NOC3L: variants seen among roughly 807,000 people sequenced by gnomAD.
The protein encoded by NOC3L is NOC3 like DNA replication regulator.
Under a neutral mutation model 102.5 loss-of-function variants are expected in NOC3L, and 85 were observed. The observed-to-expected ratio is 0.83, with a 90% confidence interval of 0.70 to 0.99. The LOEUF is 0.99. Ranked by LOEUF, NOC3L falls within the 50% of genes least tolerant of loss-of-function variation. NOC3L has a pLI of 0.00. For missense variants in NOC3L, 878 were observed against 914.9 expected (o/e 0.96, Z 0.52); for synonymous variants, 303 against 309.4 (o/e 0.98, Z 0.22).
At chr10:94,334,753 C>T in intron 19 of NOC3L, 35 bp from the exon 20 acceptor site, 1 of 1,382,604 alleles carries the variant, frequency 7.2e-7, no homozygotes, top group East Asian at 2.3e-5. Context: ...AAAGATACCA[C>T]CACATCTGTG....
intron 13 of NOC3L, among the ~76,000 whole-genome samples, chr10:94,342,110 T>C (rs1028148449): frequency 1.1e-4 from 16 of 152,170 alleles, no homozygotes; most frequent in Admixed American, 6.5e-5. Flanking sequence ...AAGGAAAGAT[T>C]CTGCTACTTA....
At position 94,333,911 on chromosome 10, in the gene NOC3L, G is replaced by A. The variant is rs1280810579; in HGVS notation, c.*266C>T. On this transcript the variant is annotated 3_prime_UTR_variant, in exon 21 of 21. Coordinates refer to ENST00000371361, the MANE Select transcript of NOC3L (RefSeq NM_022451.11). ...ATTTTTTTAAAAAACTATAATGTACGTGAAGCTTTTAAAAGGCAGCATCAT... is the reference window on the plus strand; with the variant it reads ...ATTTTTTTAAAAAACTATAATGTACATGAAGCTTTTAAAAGGCAGCATCAT... 3.8e-5 allele frequency: 9 copies of A among 239,498 alleles called. No homozygotes were observed. The highest frequency in any genetic ancestry group is 1.7e-4 in the South Asian group (1 of 5,790). 14.8% of individuals were successfully genotyped at this position (239,498 alleles called of 1,614,324 possible). A position where few individuals can be genotyped will look rare whatever the true frequency, so the allele number is the denominator to read the frequency against.
In NOC3L at chr10:94,338,652, A is replaced by G; in HGVS notation, c.2047T>C (p.Cys683Arg). The G allele has an allele frequency of 6.2e-7, 1 of 1,612,652 alleles. No homozygotes were observed. The highest frequency in any genetic ancestry group is 1.1e-5 in the South Asian group (1 of 90,848). Residue 683 changes from cysteine (C) to arginine (R), a missense_variant, in exon 18 of 21, where the codon TGC becomes CGC. By Grantham distance (180) the Cys-to-Arg change is radical (BLOSUM62 -3). Transcript: ENST00000371361. Reference sequence around the variant, plus strand: ...CACAGAGCAGTGTTCTGAGCATTGCAGTACTCAGGCTCATCCAGTTCAGGA... The same window carrying G: ...CACAGAGCAGTGTTCTGAGCATTGCGGTACTCAGGCTCATCCAGTTCAGGA... ...FLPELDEPEY[C>R]NAQNTALWEL...
chr10:94,350,261 CT>C lies in NOC3L; in HGVS notation c.979del (p.Ser327ValfsTer3), dbSNP rs765165963. On this transcript the variant is annotated frameshift_variant, in exon 9 of 21. Coordinates refer to ENST00000371361, the MANE Select transcript of NOC3L (RefSeq NM_022451.11). LOFTEE classifies it high-confidence loss of function. ...GTATGCCTTTAAGGAAACTACATTACTTTTCTTCAGCTTCCTCTGCTTCCAA... is the reference window on the plus strand; with the variant it reads ...GTATGCCTTTAAGGAAACTACATTACTTTCTTCAGCTTCCTCTGCTTCCAA... ...KDWKQRKLKK[S>X]NVVSLKAYKG... 2.5e-6 allele frequency: 4 copies of C among 1,614,140 alleles called. No homozygotes were observed. The highest frequency in any genetic ancestry group is 4.5e-5 in the East Asian group (2 of 44,890).
In NOC3L at chr10:94,339,832, A is replaced by G; in HGVS notation, c.1869T>C (p.Ala623=). 6.2e-7 allele frequency: 1 copy of G among 1,614,204 alleles called. No homozygotes were observed. The highest frequency in any genetic ancestry group is 8.5e-7 in the Non-Finnish European group (1 of 1,180,018). The change falls in exon 17 of 21, where the codon GCT becomes GCC. Residue 623 remains alanine (A), a synonymous_variant. Coordinates refer to ENST00000371361, the MANE Select transcript of NOC3L (RefSeq NM_022451.11). ...TACAAAGGCGTTTGATGAAGGCAAG[A>G]GCTCGCTGCTGAGAAACTTGCTTTC... is the stretch of plus-strand genomic sequence containing the variant. ...KRRKQVSQQR[A]LAFIKRLCTL... is the part of the protein sequence containing the mutation.
intron 19 of NOC3L, among the ~76,000 whole-genome samples, chr10:94,337,305 C>T (rs1285084903): frequency 6.6e-6 from 1 of 151,216 alleles, no homozygotes; most frequent in Non-Finnish European, 1.5e-5. Context: ...CACCTCTTTT[C>T]TTCCCTCTCC....
At position 94,333,559 on chromosome 10, in the gene NOC3L, T is replaced by C. The variant is rs2054183897; in HGVS notation, c.*618A>G. 1 of 152,166 alleles carries C rather than the reference T, an allele frequency of 6.6e-6. No individual in the cohort carries two copies. Among genetic ancestry groups the C allele is most frequent in the African/African-American group, 2.4e-5 (1 of 41,446 alleles). The allele number at this position is 152,166 out of a possible 1,614,324, so 9.4% of individuals were successfully genotyped here. ...TAGAGACTAGAATCATATTCAAACT[T>C]TCCTTGAAAGTAGCTATAATAAACA... On this transcript the variant is annotated 3_prime_UTR_variant, in exon 21 of 21. Transcript: ENST00000371361.
chr10:94,325,160 A>C, the NOC3L span: 1 of 1,221,354 alleles, frequency 8.2e-7, no homozygotes, highest in Non-Finnish European at 1.2e-6. Context: ...CTACTTTGTA[A>C]GGAAGGCATA....
In NOC3L at chr10:94,341,616, T is replaced by A. The variant is rs764055263; in HGVS notation, c.1644+57A>T. 1,346 of 931,832 alleles carry A rather than the reference T, an allele frequency of 1.4e-3. 4 individuals carry two copies. Among genetic ancestry groups the A allele is most frequent in the Non-Finnish European group, 1.9e-3 (1,264 of 649,702 alleles). 57.7% of individuals were successfully genotyped at this position (931,832 alleles called of 1,614,324 possible). A position where few individuals can be genotyped will look rare whatever the true frequency, so the allele number is the denominator to read the frequency against. On this transcript the variant is annotated intron_variant, in intron 14 of 20. Coordinates refer to ENST00000371361, the MANE Select transcript of NOC3L (RefSeq NM_022451.11). ...AATATATCTCAATAAACCTGAAAAA[T>A]TTTTAAAATAGTAATTACCATTTAT...
Position 94,352,447 on chromosome 10 carries a change from T to C in NOC3L, c.859-44A>G, listed in dbSNP as rs776536669. 5.4e-6 allele frequency: 7 copies of C among 1,302,944 alleles called. No individual in the cohort carries two copies. In the South Asian group the frequency reaches 6.1e-5, roughly 11 times the overall value. 80.7% of individuals were successfully genotyped at this position (1,302,944 alleles called of 1,614,324 possible). On this transcript the variant is annotated intron_variant, in intron 7 of 20. Coordinates refer to ENST00000371361, the MANE Select transcript of NOC3L (RefSeq NM_022451.11). ...TCAATCATTTTTTAAAATCAGAACA[T>C]TAAAAGCCCAAAATTAGTATAAAAT...
the NOC3L span, chr10:94,322,047 T>C: frequency 6.2e-7 from 1 of 1,614,102 alleles, no homozygotes; most frequent in Non-Finnish European, 8.5e-7. Flanking sequence ...CTGCACAGGA[T>C]GTCATTCAGC....
chr10:94,359,006 A>AT (rs2054520864), intron 2 of NOC3L, among the ~76,000 whole-genome samples: 1 of 149,632 alleles, frequency 6.7e-6, no homozygotes, highest in African/African-American at 2.5e-5. Context: ...TCCTCTTTTT[A>AT]TTTAAAAAAA....
the NOC3L span, among the ~76,000 whole-genome samples, chr10:94,325,902 A>G: frequency 6.6e-6 from 1 of 152,248 alleles, no homozygotes; most frequent in Non-Finnish European, 1.5e-5. Context: ...AATTAAAAAA[A>G]TAAAAATCTG....
At chr10:94,327,517 C>A in the NOC3L span, among the ~76,000 whole-genome samples, 2 of 152,082 alleles carry the variant, frequency 1.3e-5, no homozygotes, top group African/African-American at 2.4e-5. Context: ...AGCAGTCCAG[C>A]CAGACAAGAG....
At chr10:94,358,325 T>G in intron 2 of NOC3L, 110 bp from the exon 3 acceptor site, 1 of 688,534 alleles carries the variant, frequency 1.5e-6, no homozygotes, top group East Asian at 2.5e-5. Context: ...TCTGAAGCAA[T>G]CCTCCCACTC....
chr10:94,316,781 C>T, the NOC3L span: 11 of 1,526,636 alleles, frequency 7.2e-6, no homozygotes, highest in Non-Finnish European at 1.0e-5. Context: ...GTGCAGCCTA[C>T]ACAGTAACGA....
At chr10:94,317,582 A>G in the NOC3L span, among the ~76,000 whole-genome samples, 1 of 152,244 alleles carries the variant, frequency 6.6e-6, no homozygotes, top group African/African-American at 2.4e-5. Flanking sequence ...CATACAAAGT[A>G]AGAATAATAT....
At chr10:94,329,342 A>ATCTT (rs1463346707), downstream of NOC3L, 3 of 152,240 alleles carry the variant, frequency 2.0e-5, no homozygotes, top group Non-Finnish European at 4.4e-5. Flanking sequence ...TTCCATTGGT[A>ATCTT]TCTTTGAATT....
chr10:94,356,152 T>C (rs1367755826), intron 5 of NOC3L, among the ~76,000 whole-genome samples: 1 of 152,212 alleles, frequency 6.6e-6, no homozygotes, highest in Non-Finnish European at 1.5e-5. Flanking sequence ...GCAAGTATAA[T>C]TGTGCTAGAA....
Sources: allele counts gnomAD v4.1 joint callset (sites outside exome capture counted in the v4.1 genomes callset), GRCh38; gene constraint gnomAD v4.1.1; transcripts MANE v1.5; gene names NCBI Gene and HGNC (gene_info 2026-07-23, HGNC 2026-07-21).